Variants in EYS observed in about 807,000 individuals in gnomAD.
The protein encoded by EYS is EGF-like photoreceptor maintenance factor.
EYS carries 250 observed loss-of-function variants against 282.1 expected under a neutral mutation model. The observed-to-expected ratio is 0.89, with a 90% CI of 0.80 to 0.98. The LOEUF (loss-of-function observed/expected upper bound fraction) is 0.98, where lower values mean the gene tolerates loss of function less well. Ranked by LOEUF, EYS falls within the 50% of genes least tolerant of loss-of-function variation. EYS has a pLI of 0.00. For synonymous variants in EYS, 1,355 were observed against 1,282.9 expected, an observed-to-expected ratio of 1.06 and a Z score of -1.20; for missense variants, 4,016 against 3,709.0, an observed-to-expected ratio of 1.08 and a Z score of -2.15.
chr6:64,948,576 T>G (rs1769374921), intron 14 of EYS, among the ~76,000 whole-genome samples: 1 of 146,358 alleles, frequency 6.8e-6, no homozygotes. Flanking sequence ...ATTTTAATAT[T>G]AAATATTAAG....
At chr6:64,715,777 C>T (rs11751483) in intron 22 of EYS, among the ~76,000 whole-genome samples, 1 of 152,178 alleles carries the variant, frequency 6.6e-6, no homozygotes, top group Admixed American at 6.5e-5. Flanking sequence ...TGAATGCCTC[C>T]ACTTTATCTG....
chr6:64,623,041 TCA>T (rs1033084986), intron 23 of EYS, among the ~76,000 whole-genome samples: 8 of 152,166 alleles, frequency 5.3e-5, no homozygotes, highest in South Asian at 2.1e-4. Context: ...CTGAGAATTC[TCA>T]CAGTGTTTAG....
chr6:64,548,533 A>G (rs1764955628), intron 26 of EYS, among the ~76,000 whole-genome samples: 2 of 152,176 alleles, frequency 1.3e-5, no homozygotes, highest in South Asian at 2.1e-4. Context: ...TCGTGGGGAC[A>G]TGGATGAAGC....
intron 22 of EYS, among the ~76,000 whole-genome samples, chr6:64,744,861 T>C (rs997535499): frequency 1.3e-5 from 2 of 152,192 alleles, no homozygotes; most frequent in African/African-American, 2.4e-5. Flanking sequence ...CTAAAAGCTC[T>C]TAAACATTAT....
At chr6:63,911,578 G>C (rs1023703363) in intron 35 of EYS, among the ~76,000 whole-genome samples, 2 of 152,064 alleles carry the variant, frequency 1.3e-5, no homozygotes. Flanking sequence ...GATAATCCTT[G>C]AGCAATGAAA....
intron 33 of EYS, among the ~76,000 whole-genome samples, chr6:64,006,972 C>T (rs563770100): frequency 1.3e-5 from 2 of 152,078 alleles, no homozygotes; most frequent in East Asian, 3.9e-4. Context: ...GTTGCTGTGT[C>T]TCTGCTGGGT....
At chr6:64,137,270 TG>T (rs1774193090) in intron 31 of EYS, among the ~76,000 whole-genome samples, 1 of 152,206 alleles carries the variant, frequency 6.6e-6, no homozygotes, top group South Asian at 2.1e-4. Context: ...ATGTTGTGGT[TG>T]GTTTGATCCA....
intron 2 of EYS, among the ~76,000 whole-genome samples, chr6:65,583,941 A>G (rs918838128): frequency 6.6e-6 from 1 of 150,686 alleles, no homozygotes; most frequent in African/African-American, 2.5e-5. Flanking sequence ...ATGACCTAAC[A>G]TATCTTATGA....
chr6:65,407,820 C>T (rs1313544947), intron 5 of EYS, among the ~76,000 whole-genome samples: 1 of 148,996 alleles, frequency 6.7e-6, no homozygotes, highest in Admixed American at 6.7e-5. Context: ...TTCCTATGTT[C>T]CAGTGTTAAA....
chr6:65,206,858 A>G (rs1312357148), intron 12 of EYS, among the ~76,000 whole-genome samples: 6 of 151,858 alleles, frequency 4.0e-5, no homozygotes, highest in Non-Finnish European at 8.8e-5. Flanking sequence ...CAAACTAGCA[A>G]TTGAAGGAAA....
chr6:63,877,186 A>G (rs1221178055), intron 35 of EYS, among the ~76,000 whole-genome samples: 1 of 152,098 alleles, frequency 6.6e-6, no homozygotes, highest in Non-Finnish European at 1.5e-5. Context: ...ATCTCTCAGC[A>G]TTTGCTTGTC....
At chr6:65,064,691 G>A (rs768467997) in intron 12 of EYS, among the ~76,000 whole-genome samples, 21 of 151,760 alleles carry the variant, frequency 1.4e-4, no homozygotes, top group Non-Finnish European at 2.9e-4. Flanking sequence ...CAGAGAAAAA[G>A]AATGCTATTT....
intron 30 of EYS, among the ~76,000 whole-genome samples, chr6:64,248,832 A>G (rs1165903695): frequency 6.6e-6 from 1 of 152,034 alleles, no homozygotes; most frequent in East Asian, 1.9e-4. Context: ...AGGCAGGCGA[A>G]TTGTGTTGAG....
At chr6:65,401,349 AT>A (rs1367585619) in intron 7 of EYS, among the ~76,000 whole-genome samples, 7 of 148,798 alleles carry the variant, frequency 4.7e-5, no homozygotes, top group East Asian at 2.0e-4. Context: ...AGAGTTAGCA[AT>A]TTTTTTTTAA....
intron 8 of EYS, among the ~76,000 whole-genome samples, chr6:65,361,550 T>C (rs1764710849): frequency 6.6e-6 from 1 of 151,772 alleles, no homozygotes. Context: ...GTGCTATCTC[T>C]GCCCACTGCA....
chr6:65,354,201 G>A (rs1393686), intron 8 of EYS, among the ~76,000 whole-genome samples: 61,939 of 151,812 alleles, frequency 0.41, 12,786 homozygotes, highest in Non-Finnish European at 0.46. Flanking sequence ...TACATGCTGC[G>A]CTACTTAGGT....
intron 12 of EYS, among the ~76,000 whole-genome samples, chr6:65,246,709 TAC>T (rs1366341478): frequency 1.3e-5 from 2 of 152,132 alleles, no homozygotes; most frequent in East Asian, 1.9e-4. Context: ...AGATTGGAAA[TAC>T]ACACACACAT....
chr6:64,271,572 T>A (rs1156946187), intron 30 of EYS, among the ~76,000 whole-genome samples: 1 of 152,144 alleles, frequency 6.6e-6, no homozygotes, highest in Admixed American at 6.5e-5. Context: ...AAAATTTAAA[T>A]GTTTCCTTTT....
intron 11 of EYS, 120 bp from the exon 12 acceptor site, chr6:65,296,239 G>A: frequency 9.2e-7 from 1 of 1,084,726 alleles, no homozygotes; most frequent in Non-Finnish European, 1.3e-6. Context: ...AGATAGTTGT[G>A]GGGTGCATTT....
Sources: gnomAD v4.1 joint callset for allele counts (sites outside exome capture counted in the v4.1 genomes callset) on GRCh38, gnomAD v4.1.1 for gene constraint, MANE v1.5 for transcripts, NCBI Gene and HGNC (gene_info 2026-07-23, HGNC 2026-07-21) for gene names.